TMEM141: variants seen among roughly 807,000 people sequenced by gnomAD.
The protein encoded by TMEM141 is transmembrane protein 141.
TMEM141 carries 18 observed loss-of-function variants against 15.9 expected under a neutral mutation model. The ratio of observed to expected loss-of-function variants is 1.13; its 90% CI spans 0.78 to 1.68. The LOEUF (loss-of-function observed/expected upper bound fraction) is 1.68. Ranked by LOEUF, TMEM141 falls within the 40% of genes most tolerant of loss-of-function variation. The pLI is 0.00. For synonymous variants in TMEM141, 69 were observed against 54.0 expected (o/e 1.28, Z -1.22); for missense variants, 161 against 139.5 (o/e 1.15, Z -0.78).
At chr9:136,791,592 G>C in intron 1 of TMEM141, 119 bp from the exon 2 acceptor site, 1 of 1,566,762 alleles carries the variant, frequency 6.4e-7, no homozygotes, top group Non-Finnish European at 8.7e-7. Flanking sequence ...GAGGTGGGAC[G>C]TGTCCAAGCG....
chr9:136,791,482 C>G, intron 1 of TMEM141, 58 bp downstream of exon 1: 2 of 1,547,746 alleles, frequency 1.3e-6, no homozygotes, highest in Non-Finnish European at 8.7e-7. Flanking sequence ...CTGAGCGAGG[C>G]GGGGGGCCGG....
chr9:136,791,841 C>T, intron 2 of TMEM141, 64 bp downstream of exon 2: 1 of 1,608,054 alleles, frequency 6.2e-7, no homozygotes, highest in Non-Finnish European at 8.5e-7. Context: ...GCCCTGACTC[C>T]CCAGCAGGGG....
At chr9:136,792,476 C>T (rs547414183) in intron 4 of TMEM141, 118 bp downstream of exon 4, 15 of 841,436 alleles carry the variant, frequency 1.8e-5, no homozygotes, top group African/African-American at 3.4e-5. Flanking sequence ...CCCTCTGGCC[C>T]GGCCTCCTCA....
Position 136,791,542 on chromosome 9 carries a change from C to T in TMEM141, c.54+118C>T, listed in dbSNP as rs1351691923. The T allele has an allele frequency of 2.6e-6, 4 of 1,554,532 alleles. No individual in the cohort carries two copies. In the African/African-American group the frequency reaches 5.4e-5, roughly 21 times the overall value. On this transcript the variant is annotated intron_variant, in intron 1 of 4. Coordinates refer to ENST00000290079, the MANE Select transcript of TMEM141 (RefSeq NM_032928.4). ...AAGAGTGGCGGAGGCTGGGGGCACT[C>T]TCTTGCTAAGGGGCTCAGGGCGTCC... is the stretch of plus-strand genomic sequence containing the variant.
At chr9:136,791,516 G>A in intron 1 of TMEM141, 92 bp downstream of exon 1, 1 of 1,546,168 alleles carries the variant, frequency 6.5e-7, no homozygotes, top group South Asian at 1.2e-5. Flanking sequence ...CCTCGTCAGG[G>A]AAGAGTGGCG....
rs753489264 is a variant in TMEM141, at chr9:136,792,047, C to T, written c.205+17C>T. On this transcript the variant is annotated intron_variant, in intron 3 of 4. Transcript: ENST00000290079. ...TGGCCGTGGGTGGGTACTCCAGGGC[C>T]CCTGCCTGGGCTCTTTGAGGGGTGG... 1 of 1,613,316 alleles carries T rather than the reference C, an allele frequency of 6.2e-7. No individual in the cohort carries two copies. The highest frequency in any genetic ancestry group is 8.5e-7 in the Non-Finnish European group (1 of 1,179,646).
rs3739950 is a variant in TMEM141 at position 136,791,795 on chromosome 9, G to A, written c.121+18G>A. ...CGTCACAGGTAGGCTGCGTCCAGGT[G>A]TCCTGCGGCTGGGAGAGAACGCACC... On this transcript the variant is annotated intron_variant, in intron 2 of 4. Transcript: ENST00000290079. The A allele has an allele frequency of 0.18, 297,047 of 1,611,964 alleles. 28,754 individuals are homozygous for A. The highest frequency in any genetic ancestry group is 0.25 in the Middle Eastern group (1,489 of 6,046).
rs1380307251 is a variant in TMEM141 at position 136,791,482 on chromosome 9, C to CG, written c.54+64dup. 4 of 1,547,628 alleles carry CG rather than the reference C, an allele frequency of 2.6e-6. No individual in the cohort carries two copies. The East Asian group carries it at 7.3e-5, about 28-fold the overall frequency. ...ACCCCAGAAGCTGACCTGAGCGAGG[C>CG]GGGGGGCCGGGGCGTGGGGGTGCCC... On this transcript the variant is annotated intron_variant, in intron 1 of 4. Transcript: ENST00000290079.
chr9:136,791,659 G>T, intron 1 of TMEM141, 52 bp from the exon 2 acceptor site: 2 of 1,601,894 alleles, frequency 1.2e-6, no homozygotes, highest in East Asian at 2.2e-5. Context: ...CAGGAGAGGC[G>T]GTGAAGGAAG....
chr9:136,791,661 T>C (rs773290645), intron 1 of TMEM141, 50 bp from the exon 2 acceptor site: 3 of 1,601,244 alleles, frequency 1.9e-6, no homozygotes, highest in African/African-American at 1.3e-5. Flanking sequence ...GGAGAGGCGG[T>C]GAAGGAAGAG....
In TMEM141 at chr9:136,791,379, C is replaced by G. The variant is rs774486280; in HGVS notation, c.9C>G (p.Asn3Lys). 2.6e-6 allele frequency: 4 copies of G among 1,561,832 alleles called. No individual in the cohort carries two copies. In the South Asian group the frequency reaches 3.5e-5, roughly 14 times the overall value. ...CCCGAGCCCTGCCAACCATGGTGAA[C>G]TTGGGTCTGTCCCGGGTGGACGACG... MVNLGLSRVDDAV... is the reference protein window; with the variant it reads MVKLGLSRVDDAV... Residue 3 changes from asparagine (N) to lysine (K), a missense_variant, in exon 1 of 5, where the codon AAC (asparagine) becomes AAG (lysine). By Grantham distance (94) the Asn-to-Lys change is moderately conservative. Transcript: ENST00000290079.
In TMEM141 at chr9:136,792,375, G is replaced by T. The variant is rs1847600379; in HGVS notation, c.313+17G>T. 1.9e-6 allele frequency: 3 copies of T among 1,554,152 alleles called. No homozygotes were observed. The highest frequency in any genetic ancestry group is 2.6e-6 in the Non-Finnish European group (3 of 1,147,192). On this transcript the variant is annotated intron_variant, in intron 4 of 4. Coordinates refer to ENST00000290079, the MANE Select transcript of TMEM141 (RefSeq NM_032928.4). ...GGAGCACAGGTGAGAGAGCCTGGGG[G>T]TTAGCGAGAAGTGAATGCCACCTCT...
Position 136,791,696 on chromosome 9 carries a change from C to A in TMEM141, c.55-15C>A. On this transcript the variant is annotated splice_polypyrimidine_tract_variant and intron_variant, in intron 1 of 4. Transcript: ENST00000290079. ...GGGCAGGGGATCGAGCCTTCACCCG[C>A]CTCTGCCACCCCAGGGACTCGGGGA... is the stretch of plus-strand genomic sequence containing the variant. The A allele has an allele frequency of 6.2e-7, 1 of 1,612,152 alleles. No individual in the cohort carries two copies. Among genetic ancestry groups the A allele is most frequent in the Non-Finnish European group, 8.5e-7 (1 of 1,179,332 alleles).
chr9:136,791,937 C>T lies in TMEM141; in HGVS notation c.122-10C>T. ...GGGTACAGGTTGATGGGGACCTCGG[C>T]TCTTTGCAGGCACCGGCATGGCCTT... On this transcript the variant is annotated splice_polypyrimidine_tract_variant and intron_variant, in intron 2 of 4. Transcript: ENST00000290079. The T allele has an allele frequency of 6.2e-7, 1 of 1,614,116 alleles. No individual in the cohort carries two copies. Among genetic ancestry groups the T allele is most frequent in the Non-Finnish European group, 8.5e-7 (1 of 1,180,008 alleles).
intron 1 of TMEM141, 55 bp from the exon 2 acceptor site, chr9:136,791,656 G>A (rs1847590905): frequency 6.2e-7 from 1 of 1,600,778 alleles, no homozygotes; most frequent in African/African-American, 1.3e-5. Flanking sequence ...GGACAGGAGA[G>A]GCGGTGAAGG....
chr9:136,791,487 G>C, intron 1 of TMEM141, 63 bp downstream of exon 1: 1 of 1,548,472 alleles, frequency 6.5e-7, no homozygotes, highest in South Asian at 1.2e-5. Context: ...CGAGGCGGGG[G>C]GCCGGGGCGT....
Position 136,791,433 on chromosome 9 carries a change from G to A in TMEM141, c.54+9G>A. The A allele has an allele frequency of 1.3e-6, 2 of 1,553,882 alleles. No individual in the cohort carries two copies. Among genetic ancestry groups the A allele is most frequent in the Non-Finnish European group, 1.7e-6 (2 of 1,148,878 alleles). On this transcript the variant is annotated intron_variant, in intron 1 of 4. Transcript: ENST00000290079. Reference sequence around the variant, plus strand: ...TGGCTGCCAAGCACCCGGTGAGAAGGCCGGTCTGGGACGCGGGCCTCAAAC... The same window carrying A: ...TGGCTGCCAAGCACCCGGTGAGAAGACCGGTCTGGGACGCGGGCCTCAAAC...
At chr9:136,791,558 C>T in intron 1 of TMEM141, 134 bp downstream of exon 1, 1 of 1,562,562 alleles carries the variant, frequency 6.4e-7, no homozygotes, top group South Asian at 1.2e-5. Context: ...CTAAGGGGCT[C>T]AGGGCGTCCG....
Position 136,792,929 on chromosome 9 carries a change from A to C in TMEM141, c.*97A>C. 2 of 1,395,534 alleles carry C rather than the reference A, an allele frequency of 1.4e-6. No homozygotes were observed. The highest frequency in any genetic ancestry group is 1.5e-5 in the African/African-American group (1 of 68,278). 86.4% of individuals were successfully genotyped at this position (1,395,534 alleles called of 1,614,324 possible). A position where few individuals can be genotyped will look rare whatever the true frequency, so the allele number is the denominator to read the frequency against. On this transcript the variant is annotated 3_prime_UTR_variant, in exon 5 of 5. Transcript: ENST00000290079. ...CCCAGGCCGACCCTCCCCACACCCT[A>C]GGGTACCCCAGTCGTATCCTCTGTC... is the stretch of plus-strand genomic sequence containing the variant.
Sources: allele counts gnomAD v4.1 joint callset, GRCh38; gene constraint gnomAD v4.1.1; transcripts MANE v1.5; gene names NCBI Gene and HGNC (gene_info 2026-07-23, HGNC 2026-07-21).